Variants in ATP8A2 observed in about 807,000 individuals in gnomAD.
ATP8A2 encodes ATPase phospholipid transporting 8A2, also known as phospholipid-transporting ATPase IB.
In ATP8A2, 100 loss-of-function variants were observed where a neutral mutation model predicts 165.6. The ratio of observed to expected loss-of-function variants is 0.60; its 90% CI spans 0.51 to 0.71. The LOEUF is 0.71. Ranked by LOEUF, ATP8A2 falls within the 30% of genes least tolerant of loss-of-function variation. ATP8A2 has a pLI of 0.00. For synonymous variants in ATP8A2, 543 were observed against 548.8 expected (o/e 0.99, Z 0.15); for missense variants, 1,227 against 1,479.5 (o/e 0.83, Z 2.80).
At chr13:26,019,184 A>G (rs1957044694) in intron 36 of ATP8A2, among the ~76,000 whole-genome samples, 1 of 152,120 alleles carries the variant, frequency 6.6e-6, no homozygotes, top group Non-Finnish European at 1.5e-5. Context: ...GCTTGAGGTC[A>G]GGAGTTTGAG....
At chr13:25,384,110 A>T (rs1274726792) in intron 1 of ATP8A2, among the ~76,000 whole-genome samples, 2 of 152,160 alleles carry the variant, frequency 1.3e-5, no homozygotes, top group East Asian at 1.9e-4. Flanking sequence ...GGAATTCTAG[A>T]TTCAAAATTC....
At chr13:25,906,623 GTTC>G (rs758020094) in intron 33 of ATP8A2, among the ~76,000 whole-genome samples, 6 of 151,330 alleles carry the variant, frequency 4.0e-5, no homozygotes, top group Non-Finnish European at 7.4e-5. Flanking sequence ...TTCTCTTCTT[GTTC>G]TTCTGTGAGT....
At chr13:25,975,006 G>A (rs1956000611) in intron 35 of ATP8A2, among the ~76,000 whole-genome samples, 1 of 152,216 alleles carries the variant, frequency 6.6e-6, no homozygotes. Flanking sequence ...CTCTTCTCAC[G>A]TGTGCGACCC....
chr13:25,994,081 A>T (rs560657357), intron 35 of ATP8A2, among the ~76,000 whole-genome samples: 3 of 152,200 alleles, frequency 2.0e-5, no homozygotes, highest in South Asian at 2.1e-4. Context: ...TCAGTATTTC[A>T]TATATTTTTG....
intron 35 of ATP8A2, among the ~76,000 whole-genome samples, chr13:25,974,576 C>T (rs971925357): frequency 2.6e-5 from 4 of 152,112 alleles, no homozygotes; most frequent in Admixed American, 6.5e-5. Flanking sequence ...GACAGTGTAC[C>T]CAGTCCAGGC....
At chr13:25,616,326 C>CTTTTTTTTTTTTTTTTT (rs535891442) in intron 24 of ATP8A2, among the ~76,000 whole-genome samples, 68 of 106,744 alleles carry the variant, frequency 6.4e-4, no homozygotes, top group South Asian at 9.4e-4. Context: ...TTCTTTCTTT[C>CTTTTTTTTTTTTTTTTT]TTTTTTTTTT....
At chr13:25,745,955 A>G (rs2044022488) in intron 25 of ATP8A2, among the ~76,000 whole-genome samples, 1 of 152,210 alleles carries the variant, frequency 6.6e-6, no homozygotes, top group Non-Finnish European at 1.5e-5. Context: ...GGCTGACTAC[A>G]TCCTATCATG....
chr13:25,923,990 C>A (rs553382613), intron 33 of ATP8A2, among the ~76,000 whole-genome samples: 87 of 152,242 alleles, frequency 5.7e-4, no homozygotes, highest in South Asian at 1.5e-3. Context: ...AAGGATAATT[C>A]TTTTCCAAAT....
intron 24 of ATP8A2, among the ~76,000 whole-genome samples, chr13:25,640,620 C>T (rs2041493290): frequency 6.6e-6 from 1 of 152,124 alleles, no homozygotes; most frequent in African/African-American, 2.4e-5. Context: ...TAATAGCCTA[C>T]TAACCAAAAA....
At chr13:25,560,106 G>A (rs1395634398) in intron 15 of ATP8A2, among the ~76,000 whole-genome samples, 1 of 152,162 alleles carries the variant, frequency 6.6e-6, no homozygotes, top group Non-Finnish European at 1.5e-5. Flanking sequence ...GGGATTACAG[G>A]TGTGAGAAAC....
At chr13:25,893,224 C>T (rs909904243) in intron 33 of ATP8A2, among the ~76,000 whole-genome samples, 15 of 131,260 alleles carry the variant, frequency 1.1e-4, no homozygotes, top group South Asian at 5.6e-4. Flanking sequence ...CAACAGTCCC[C>T]GGAGTGTGAT....
At chr13:25,844,377 C>T (rs1193532554) in intron 30 of ATP8A2, among the ~76,000 whole-genome samples, 2 of 152,040 alleles carry the variant, frequency 1.3e-5, no homozygotes, top group African/African-American at 4.8e-5. Context: ...ATTACAGGCT[C>T]ATGCCACCAT....
At chr13:25,587,892 A>G (rs548744588) in intron 23 of ATP8A2, among the ~76,000 whole-genome samples, 2 of 152,200 alleles carry the variant, frequency 1.3e-5, no homozygotes, top group Non-Finnish European at 2.9e-5. Context: ...AGTTTTATCC[A>G]TCACTGTTGT....
intron 25 of ATP8A2, among the ~76,000 whole-genome samples, chr13:25,763,879 ATT>A (rs1301390487): frequency 6.6e-6 from 1 of 152,222 alleles, no homozygotes; most frequent in African/African-American, 2.4e-5. Flanking sequence ...CCATGGAGGC[ATT>A]TAATAAATAG....
chr13:25,734,215 C>T (rs1490243226), intron 25 of ATP8A2, among the ~76,000 whole-genome samples: 1 of 152,204 alleles, frequency 6.6e-6, no homozygotes, highest in Non-Finnish European at 1.5e-5. Context: ...CACCCTCCTT[C>T]CTAATTACCT....
chr13:25,820,949 G>GT lies in ATP8A2; in HGVS notation c.2680-7158dup, dbSNP rs965131348. 5.6e-3 allele frequency among the ~76,000 whole-genome samples: 816 copies of GT among 144,640 alleles called. 5 individuals are homozygous for GT. The highest frequency in any genetic ancestry group is 0.014 in the African/African-American group (572 of 39,716). 94.9% of individuals were successfully genotyped at this position (144,640 alleles called of 152,430 possible). ...TTTTGTTTATGTTGGCTTTGGGTTTGTTTTTTTTTTTCTCTACCAAGTAAA... is the reference window on the plus strand; with the variant it reads ...TTTTGTTTATGTTGGCTTTGGGTTTGTTTTTTTTTTTTCTCTACCAAGTAAA... On this transcript the variant is annotated intron_variant, in intron 27 of 36. Transcript: ENST00000381655.
chr13:25,592,997 C>A (rs2040132107), intron 24 of ATP8A2, among the ~76,000 whole-genome samples: 1 of 152,156 alleles, frequency 6.6e-6, no homozygotes, highest in Non-Finnish European at 1.5e-5. Flanking sequence ...TTCAAAAGGA[C>A]ACTCCATATT....
chr13:25,951,124 AGGTGTTGACCC>A (rs1955344695), intron 33 of ATP8A2, among the ~76,000 whole-genome samples: 1 of 152,190 alleles, frequency 6.6e-6, no homozygotes. Context: ...CCCCACTCCC[AGGTGTTGACCC>A]AAAAGAACTG....
chr13:25,540,269 T>C, intron 7 of ATP8A2, 50 bp from the exon 8 acceptor site: 1 of 1,355,700 alleles, frequency 7.4e-7, no homozygotes, highest in Non-Finnish European at 1.1e-6. Flanking sequence ...AAACTGTGAA[T>C]TTGTGGAAAG....
Sources: allele counts gnomAD v4.1 joint callset (sites outside exome capture counted in the v4.1 genomes callset), GRCh38; gene constraint gnomAD v4.1.1; transcripts MANE v1.5; gene names NCBI Gene and HGNC (gene_info 2026-07-23, HGNC 2026-07-21).